Variants in SH3PXD2A observed in about 807,000 individuals in gnomAD.
SH3PXD2A encodes SH3 and PX domains 2A, also known as SH3 and PX domain-containing protein 2A.
In SH3PXD2A, 32 loss-of-function variants were observed where a neutral mutation model predicts 115.2. The observed-to-expected ratio is 0.28, with a 90% CI of 0.21 to 0.37. SH3PXD2A has a LOEUF of 0.37. Ranked by LOEUF, SH3PXD2A falls within the 10% of genes least tolerant of loss-of-function variation. The pLI is 1.00. For synonymous variants in SH3PXD2A, 610 were observed against 629.1 expected (o/e 0.97, Z 0.45); for missense variants, 1,328 against 1,498.7 (o/e 0.89, Z 1.88).
In SH3PXD2A at chr10:103,818,941, C is replaced by T. The variant is rs866569193; in HGVS notation, c.73-17579G>A. Among the ~76,000 whole-genome samples the T allele has an allele frequency of 6.6e-5, 10 of 152,324 alleles. No individual in the cohort carries two copies. In the Middle Eastern group the frequency reaches 0.014, roughly 207 times the overall value. On this transcript the variant is annotated intron_variant, in intron 1 of 14. Transcript: ENST00000369774. Reference sequence around the variant, plus strand: ...TCAGATGGCCAATTTCATGCCTGACCGTTCCCCCAACCCATTCCCAGAATC... The same window carrying T: ...TCAGATGGCCAATTTCATGCCTGACTGTTCCCCCAACCCATTCCCAGAATC...
At chr10:103,633,716 A>C (rs987308393) in intron 8 of SH3PXD2A, among the ~76,000 whole-genome samples, 5 of 124,330 alleles carry the variant, frequency 4.0e-5, no homozygotes, top group African/African-American at 1.4e-4. Context: ...CGATGGAGCA[A>C]GATTCTGTCT....
In SH3PXD2A at chr10:103,735,777, C is replaced by G. The variant is rs1273449252; in HGVS notation, c.261G>C (p.Arg87=). 5.6e-6 allele frequency: 9 copies of G among 1,614,068 alleles called. No individual in the cohort carries two copies. The highest frequency in any genetic ancestry group is 7.6e-6 in the Non-Finnish European group (9 of 1,179,992). ...GCTTCAGTCTCTTCACAGCTACGTC[C>G]CGGATGTGGCTTCTGCGGAAGAGGA... ...GKILFRRSHI[R]DVAVKRLKPI... The change falls in exon 4 of 15, where the codon CGG becomes CGC. Residue 87 remains arginine, a synonymous_variant. Transcript: ENST00000369774.
chr10:103,732,251 G>T (rs2038329301), intron 4 of SH3PXD2A, among the ~76,000 whole-genome samples: 1 of 152,166 alleles, frequency 6.6e-6, no homozygotes, highest in African/African-American at 2.4e-5. Flanking sequence ...TTAAAAAATT[G>T]TGAGTCCAAG....
intron 5 of SH3PXD2A, among the ~76,000 whole-genome samples, chr10:103,723,535 C>T (rs1340976755): frequency 6.6e-6 from 1 of 152,160 alleles, no homozygotes; most frequent in Admixed American, 6.5e-5. Flanking sequence ...CCACAGCATC[C>T]CAATTTCAGA....
intron 2 of SH3PXD2A, among the ~76,000 whole-genome samples, chr10:103,772,011 G>C (rs769691493): frequency 6.6e-6 from 1 of 152,134 alleles, no homozygotes; most frequent in Admixed American, 6.5e-5. Context: ...CGCGGAAAAC[G>C]GAAGCACAGC....
chr10:103,802,071 C>T (rs764559484), intron 1 of SH3PXD2A, among the ~76,000 whole-genome samples: 4 of 152,160 alleles, frequency 2.6e-5, no homozygotes, highest in African/African-American at 7.2e-5. Flanking sequence ...AGAGGCCCTC[C>T]GAAATTGCAG....
chr10:103,657,420 A>G (rs1423210561), intron 8 of SH3PXD2A, among the ~76,000 whole-genome samples: 2 of 152,210 alleles, frequency 1.3e-5, no homozygotes, highest in East Asian at 3.9e-4. Flanking sequence ...TGAATGTCCT[A>G]AAGAGGAGGC....
At chr10:103,770,186 A>G (rs2038802998) in intron 2 of SH3PXD2A, among the ~76,000 whole-genome samples, 1 of 152,198 alleles carries the variant, frequency 6.6e-6, no homozygotes, top group Non-Finnish European at 1.5e-5. Context: ...ACATTTTTCC[A>G]TGTCAATGAA....
In SH3PXD2A at chr10:103,666,381, A is replaced by G. The variant is rs1052098322; in HGVS notation, c.472+2227T>C. Among the ~76,000 whole-genome samples the G allele has an allele frequency of 2.6e-5, 4 of 152,110 alleles. No individual in the cohort carries two copies. Among genetic ancestry groups the G allele is most frequent in the Non-Finnish European group, 5.9e-5 (4 of 68,012 alleles). On this transcript the variant is annotated intron_variant, in intron 7 of 14. Transcript: ENST00000369774. The surrounding 1 kb of genome is among the most constrained non-coding windows in gnomAD (Gnocchi z 4.5). ...AATCCCAGTTTCCCAATTCTCCCCA[A>G]GCATCTCTGTCCTCCAGGAGGCTCC...
chr10:103,756,933 C>A lies in SH3PXD2A; in HGVS notation c.229+10161G>T, dbSNP rs55662054. 2.5e-3 allele frequency among the ~76,000 whole-genome samples: 375 copies of A among 152,316 alleles called. 1 individual carries two copies. Among genetic ancestry groups the A allele is most frequent in the Non-Finnish European group, 4.0e-3 (270 of 68,042 alleles). On this transcript the variant is annotated intron_variant, in intron 3 of 14. Transcript: ENST00000369774. The surrounding 1 kb of genome is among the most constrained non-coding windows in gnomAD (Gnocchi z 4.4). ...GCCCCTTCTCCAGACTCCACACAGG[C>A]CTTTGAGGCCTAGCACCTTCTTCTG... is the stretch of plus-strand genomic sequence containing the variant.
intron 8 of SH3PXD2A, among the ~76,000 whole-genome samples, chr10:103,639,608 T>TAAAAAAAAAAAAAAAAAAA: frequency 1.2e-5 from 1 of 85,838 alleles, no homozygotes; most frequent in Non-Finnish European, 2.3e-5. Context: ...GACTCCGTCT[T>TAAAAAAAAAAAAAAAAAAA]AAAAAAAAAA....
chr10:103,778,346 G>T (rs761450797), intron 2 of SH3PXD2A, among the ~76,000 whole-genome samples: 1 of 152,042 alleles, frequency 6.6e-6, no homozygotes, highest in Non-Finnish European at 1.5e-5. Flanking sequence ...AAAAAAAGGC[G>T]GGGGGAAATG....
chr10:103,817,278 A>C (rs1252331684), intron 1 of SH3PXD2A, among the ~76,000 whole-genome samples: 2 of 151,948 alleles, frequency 1.3e-5, no homozygotes, highest in Non-Finnish European at 1.5e-5. Context: ...AGTACCCGAC[A>C]GTTGTCTTTT....
chr10:103,629,976 T>C (rs1445590055), intron 8 of SH3PXD2A, among the ~76,000 whole-genome samples: 1 of 152,250 alleles, frequency 6.6e-6, no homozygotes, highest in African/African-American at 2.4e-5. Context: ...CTCTGCCTGA[T>C]TCAGGTTGGG....
At chr10:103,702,086 T>C (rs570244068) in intron 5 of SH3PXD2A, among the ~76,000 whole-genome samples, 4 of 150,770 alleles carry the variant, frequency 2.7e-5, no homozygotes, top group African/African-American at 9.8e-5. Context: ...CCATCATCCA[T>C]CCACCTATCA....
intron 2 of SH3PXD2A, among the ~76,000 whole-genome samples, chr10:103,767,638 G>A (rs144079356): frequency 9.7e-4 from 147 of 151,298 alleles, no homozygotes; most frequent in Middle Eastern, 3.4e-3. Flanking sequence ...GAACCGTGCT[G>A]TGGAAACAGA....
intron 2 of SH3PXD2A, among the ~76,000 whole-genome samples, chr10:103,792,976 G>T (rs1391757829): frequency 6.6e-6 from 1 of 152,122 alleles, no homozygotes; most frequent in Non-Finnish European, 1.5e-5. Flanking sequence ...CTCCTTGTTA[G>T]ACATGTTCTT....
chr10:103,702,585 C>CTGTGTGTGTGCGTGTG (rs1554913247), intron 5 of SH3PXD2A, among the ~76,000 whole-genome samples: 24 of 32,984 alleles, frequency 7.3e-4, no homozygotes, highest in South Asian at 4.2e-3. Flanking sequence ...AGATGTAAGC[C>CTGTGTGTGTGCGTGTG]TGTGTGTGTG....
At chr10:103,831,566 T>A (rs1413356005) in intron 1 of SH3PXD2A, among the ~76,000 whole-genome samples, 1 of 152,140 alleles carries the variant, frequency 6.6e-6, no homozygotes, top group Non-Finnish European at 1.5e-5. Flanking sequence ...GGCTCAATAA[T>A]CCCAGCATTT....
Sources: allele counts gnomAD v4.1 joint callset (sites outside exome capture counted in the v4.1 genomes callset), GRCh38; gene constraint gnomAD v4.1.1; non-coding constraint Gnocchi (gnomAD v3.1); transcripts MANE v1.5; gene names NCBI Gene and HGNC (gene_info 2026-07-23, HGNC 2026-07-21).